TKTL1: variants seen among roughly 807,000 people sequenced by gnomAD.
TKTL1 encodes the protein transketolase-like protein 1.
A neutral mutation model predicts 39.3 loss-of-function variants in TKTL1; 1 was observed. That is an observed-to-expected ratio of 0.03 (90% CI 0.01 to 0.12). The LOEUF is 0.12. TKTL1 is among the 10% of genes least tolerant of loss of function. TKTL1 has a pLI of 1.00. For missense variants in TKTL1, 575 were observed against 509.6 expected (o/e 1.13, Z -1.24); for synonymous variants, 262 against 193.8 (o/e 1.35, Z -2.92).
intron 8 of TKTL1, among the ~76,000 whole-genome samples, chrX:154,322,033 G>T (rs967716585): frequency 9.1e-6 from 1 of 110,207 alleles, no homozygotes. Flanking sequence ...AGTGGCTCAT[G>T]CCTGTAATCC....
At chrX:154,310,313 C>G (rs2067346623) in intron 3 of TKTL1, among the ~76,000 whole-genome samples, 1 of 111,088 alleles carries the variant, frequency 9.0e-6, no homozygotes, top group Non-Finnish European at 1.9e-5. Context: ...CAAAAACTAG[C>G]TGGGCATGGT....
At chrX:154,321,858 A>G (rs1205121603) in intron 8 of TKTL1, among the ~76,000 whole-genome samples, 1 of 109,227 alleles carries the variant, frequency 9.2e-6, no homozygotes, top group East Asian at 2.9e-4. Flanking sequence ...CTGGAGGCAC[A>G]GGTGGTGGCC....
chrX:154,320,732 C>T, intron 7 of TKTL1, 25 bp from the exon 8 acceptor site: 2 of 1,208,291 alleles, frequency 1.7e-6, no homozygotes, highest in Non-Finnish European at 2.2e-6. Context: ...CAGGGATGTT[C>T]TGATTCATGT....
At chrX:154,314,046 T>C (rs2067378092) in intron 6 of TKTL1, among the ~76,000 whole-genome samples, 1 of 110,964 alleles carries the variant, frequency 9.0e-6, no homozygotes, top group African/African-American at 3.3e-5. Context: ...ATATCAAAAT[T>C]GACTAAAAGA....
chrX:154,310,652 C>T (rs1036739913), intron 3 of TKTL1, among the ~76,000 whole-genome samples, 184 bp from the exon 4 acceptor site: 6 of 112,067 alleles, frequency 5.4e-5, no homozygotes, highest in African/African-American at 1.6e-4. Context: ...TGTGAGCCCC[C>T]AGGCTTTTCA....
chrX:154,308,531 T>G (rs1557167664), intron 2 of TKTL1, among the ~76,000 whole-genome samples: 1 of 111,721 alleles, frequency 9.0e-6, no homozygotes, highest in African/African-American at 3.3e-5. Context: ...GTGGCTAGAT[T>G]GAGAATGGCT....
chrX:154,314,063 A>C (rs1557168891), intron 6 of TKTL1, among the ~76,000 whole-genome samples: 2 of 111,854 alleles, frequency 1.8e-5, no homozygotes, highest in African/African-American at 6.5e-5. Flanking sequence ...AAGAGGTATA[A>C]AAACCTTAAA....
At chrX:154,325,520 C>T in intron 10 of TKTL1, 98 bp downstream of exon 10, 1 of 742,612 alleles carries the variant, frequency 1.3e-6, no homozygotes, top group Non-Finnish European at 2.0e-6. Flanking sequence ...GAGACATCAT[C>T]CTTTCTTTGC....
At chrX:154,309,136 C>T (rs782735086) in intron 2 of TKTL1, among the ~76,000 whole-genome samples, 68 of 111,040 alleles carry the variant, frequency 6.1e-4, no homozygotes, top group Admixed American at 1.9e-4. Flanking sequence ...GAGCCCTGGG[C>T]TTGACCCATT....
chrX:154,313,651 G>A (rs1369030363), intron 6 of TKTL1, among the ~76,000 whole-genome samples: 1 of 111,294 alleles, frequency 9.0e-6, no homozygotes, highest in African/African-American at 3.3e-5. Flanking sequence ...TCAACAAAGG[G>A]TGGGCCAGGC....
intron 2 of TKTL1, among the ~76,000 whole-genome samples, chrX:154,306,575 A>G (rs1336949866): frequency 8.9e-6 from 1 of 112,044 alleles, no homozygotes; most frequent in Non-Finnish European, 1.9e-5. Flanking sequence ...AGCAGTATAC[A>G]GGAAGGAAAT....
At chrX:154,312,003 G>T (rs1180607927) in intron 5 of TKTL1, among the ~76,000 whole-genome samples, 17 of 110,647 alleles carry the variant, frequency 1.5e-4, no homozygotes, top group African/African-American at 5.3e-4. Flanking sequence ...CAAAGTTCCA[G>T]CTGGCCTCCC....
intron 10 of TKTL1, chrX:154,327,115 G>A (rs1232856473): frequency 4.5e-6 from 1 of 221,436 alleles, no homozygotes; most frequent in Non-Finnish European, 8.4e-6. Flanking sequence ...TTTGATGTCA[G>A]CCCCGCCTGG....
At chrX:154,316,001 C>T (rs184191226) in intron 7 of TKTL1, among the ~76,000 whole-genome samples, 12 of 111,978 alleles carry the variant, frequency 1.1e-4, no homozygotes, top group African/African-American at 3.6e-4. Context: ...TGCCCAGCTC[C>T]TGTCATTAGG....
rs185123916 is a variant in TKTL1, at chrX:154,320,933, T to A, written c.1186+20T>A. 8.3e-7 allele frequency: 1 copy of A among 1,201,894 alleles called. No homozygotes were observed. The highest frequency in any genetic ancestry group is 3.0e-5 in the East Asian group (1 of 33,681). On this transcript the variant is annotated intron_variant, in intron 8 of 12. Transcript: ENST00000369915. ...CTGTTGGTAAGGGTTCTAAATGCCA[T>A]CATCTTGGTAGCCTTCCTCCTTCAC...
intron 1 of TKTL1, among the ~76,000 whole-genome samples, chrX:154,296,340 A>G (rs980985039): frequency 9.1e-6 from 1 of 109,970 alleles, no homozygotes; most frequent in African/African-American, 3.3e-5. Context: ...CTGGGATCAG[A>G]TTGGGCTAGC....
At chrX:154,306,275 C>G (rs1447286217) in intron 2 of TKTL1, among the ~76,000 whole-genome samples, 1 of 112,294 alleles carries the variant, frequency 8.9e-6, no homozygotes, top group Non-Finnish European at 1.9e-5. Context: ...TGCCACTGCA[C>G]TCCAGCCTGG....
Position 154,311,227 on chromosome X carries a change from G to T in TKTL1, c.659G>T (p.Arg220Leu), listed in dbSNP as rs1557168281. Reference sequence around the variant, plus strand: ...GTGGTGGCCAAGACCTTCAAGGGCCGGGGCACCCCAAGTAAGCAAGCACTT... The same window carrying T: ...GTGGTGGCCAAGACCTTCAAGGGCCTGGGCACCCCAAGTAAGCAAGCACTT... The part of the protein sequence containing the change: ...TAVVAKTFKG[R>L]GTPSIEDAES... The change falls in exon 5 of 13, where the codon CGG becomes CTG. Residue 220 changes from arginine (R) to leucine (L), a missense_variant. Arg to Leu is a moderately radical substitution (Grantham distance 102). Coordinates refer to ENST00000369915, the MANE Select transcript of TKTL1 (RefSeq NM_012253.4). The T allele has an allele frequency of 8.3e-7, 1 of 1,211,732 alleles. No homozygotes were observed.
Position 154,296,137 on chromosome X carries a change from G to A in TKTL1, c.134+144G>A, listed in dbSNP as rs915353884. On this transcript the variant is annotated intron_variant, in intron 1 of 12. Transcript: ENST00000369915. ...CGTAATGCCCTGTCTTGGGCTGTTGGGGCCCGGTCGAGCACCCTAGATGGC... is the reference window on the plus strand; with the variant it reads ...CGTAATGCCCTGTCTTGGGCTGTTGAGGCCCGGTCGAGCACCCTAGATGGC... 14 of 819,984 alleles carry A rather than the reference G, an allele frequency of 1.7e-5. No homozygotes were observed. In the East Asian group the frequency reaches 2.7e-4, roughly 16 times the overall value. 67.6% of individuals were successfully genotyped at this position (819,984 alleles called of 1,213,427 possible). A position where few individuals can be genotyped will look rare whatever the true frequency, so the allele number is the denominator to read the frequency against.
Sources: allele counts gnomAD v4.1 joint callset (sites outside exome capture counted in the v4.1 genomes callset), GRCh38; gene constraint gnomAD v4.1.1; transcripts MANE v1.5; gene names NCBI Gene and HGNC (gene_info 2026-07-23, HGNC 2026-07-21).